The following BRWD1 variants were observed in gnomAD, a reference collection of about 807,000 sequenced individuals.
The protein encoded by BRWD1 is bromodomain and WD repeat-containing protein 1.
In BRWD1, 82 loss-of-function variants were observed where a neutral mutation model predicts 251.2. That is an observed-to-expected ratio of 0.33 (90% CI 0.27 to 0.39). The LOEUF is 0.39. Among genes scored for constraint, BRWD1 ranks in the 10% least tolerant of loss-of-function variants. BRWD1 has a pLI of 1.00. For synonymous variants in BRWD1, 918 were observed against 902.8 expected, an observed-to-expected ratio of 1.02 and a Z score of -0.30; for missense variants, 2,233 against 2,711.6, an observed-to-expected ratio of 0.82 and a Z score of 3.92.
At chr21:39,256,279 T>C (rs980377308) in intron 18 of BRWD1, among the ~76,000 whole-genome samples, 12 of 152,310 alleles carry the variant, frequency 7.9e-5, no homozygotes, top group African/African-American at 1.9e-4. Context: ...TTCTTAAAAA[T>C]TGCACACTAA....
chr21:39,211,608 C>A (rs1359381229), intron 34 of BRWD1, among the ~76,000 whole-genome samples: 1 of 152,042 alleles, frequency 6.6e-6, no homozygotes, highest in Non-Finnish European at 1.5e-5. Flanking sequence ...GACCTAGAGA[C>A]CCATGAAAAC....
chr21:39,189,986 T>C lies in BRWD1; in HGVS notation c.*6273A>G, dbSNP rs1036603241. Reference sequence around the variant, plus strand: ...AAGTCATTGAGTGCTTGAGGACTTGTTTTCCTGGAAGTGATTCCCTACTTG... The same window carrying C: ...AAGTCATTGAGTGCTTGAGGACTTGCTTTCCTGGAAGTGATTCCCTACTTG... On this transcript the variant is annotated 3_prime_UTR_variant, in exon 41 of 41. Coordinates refer to ENST00000342449, the MANE Select transcript of BRWD1 (RefSeq NM_033656.4). 7 of 985,404 alleles carry C rather than the reference T, an allele frequency of 7.1e-6. No individual in the cohort carries two copies. The highest frequency in any genetic ancestry group is 8.4e-6 in the Non-Finnish European group (7 of 829,920). 61.0% of individuals were successfully genotyped at this position (985,404 alleles called of 1,614,324 possible).
chr21:39,206,767 T>C (rs964063203), intron 36 of BRWD1, among the ~76,000 whole-genome samples: 1 of 152,230 alleles, frequency 6.6e-6, no homozygotes, highest in Non-Finnish European at 1.5e-5. Flanking sequence ...TTGCATCCAG[T>C]AGCAGAAAGT....
chr21:39,313,931 G>A (rs1348437132), upstream of BRWD1: 1 of 336,306 alleles, frequency 3.0e-6, no homozygotes, highest in Non-Finnish European at 5.7e-6. Flanking sequence ...GGGTGGCCCA[G>A]CAGCGGGCGG....
At chr21:39,235,228 AAC>A (rs1487952051) in intron 23 of BRWD1, among the ~76,000 whole-genome samples, 1 of 152,232 alleles carries the variant, frequency 6.6e-6, no homozygotes, top group African/African-American at 2.4e-5. Context: ...CAGGCTAGGC[AAC>A]AGAGACTCCT....
chr21:39,307,516 T>G (rs2036327944), intron 4 of BRWD1, among the ~76,000 whole-genome samples: 1 of 152,226 alleles, frequency 6.6e-6, no homozygotes, highest in South Asian at 2.1e-4. Flanking sequence ...TGAATACATT[T>G]GTACTTTCCT....
At chr21:39,208,184 C>A (rs1055227124) in intron 36 of BRWD1, among the ~76,000 whole-genome samples, 1 of 152,146 alleles carries the variant, frequency 6.6e-6, no homozygotes, top group East Asian at 1.9e-4. Flanking sequence ...AACCACTGAA[C>A]TATAAGCTTT....
At chr21:39,258,724 A>G in intron 17 of BRWD1, 52 bp from the exon 18 acceptor site, 1 of 1,331,122 alleles carries the variant, frequency 7.5e-7, no homozygotes, top group South Asian at 1.8e-5. Context: ...AAAACAAAAA[A>G]AAATTTCGTT....
chr21:39,188,435 T>C lies in BRWD1; in HGVS notation c.*7824A>G. The C allele has an allele frequency of 1.0e-6, 1 of 985,368 alleles. No homozygotes were observed. The highest frequency in any genetic ancestry group is 1.2e-6 in the Non-Finnish European group (1 of 829,862). The allele number at this position is 985,368 out of a possible 1,614,324, so 61.0% of individuals were successfully genotyped here. A position where few individuals can be genotyped will look rare whatever the true frequency, so the allele number is the denominator to read the frequency against. On this transcript the variant is annotated 3_prime_UTR_variant, in exon 41 of 41. Transcript: ENST00000342449. ...GAGGACTCCACCACATTCTTTTTAC[T>C]ACTAAGTACTAGAAAATGAGAGCTC...
intron 1 of BRWD1, among the ~76,000 whole-genome samples, chr21:39,319,306 A>G (rs2036726648): frequency 6.6e-6 from 1 of 151,576 alleles, no homozygotes; most frequent in African/African-American, 2.4e-5. Flanking sequence ...TCCCTCTCCA[A>G]CTTCTGCCTC....
chr21:39,287,166 C>T (rs1368155702), intron 8 of BRWD1, among the ~76,000 whole-genome samples: 1 of 152,120 alleles, frequency 6.6e-6, no homozygotes, highest in African/African-American at 2.4e-5. Context: ...TTATATAATC[C>T]ATATTCAAAT....
intron 21 of BRWD1, among the ~76,000 whole-genome samples, chr21:39,244,391 G>A (rs1482561221): frequency 6.6e-6 from 1 of 152,060 alleles, no homozygotes; most frequent in Non-Finnish European, 1.5e-5. Context: ...ATATAAATGT[G>A]GGAAAGTTAC....
intron 17 of BRWD1, among the ~76,000 whole-genome samples, chr21:39,262,850 T>C (rs2034799703): frequency 6.6e-6 from 1 of 152,202 alleles, no homozygotes; most frequent in South Asian, 2.1e-4. Flanking sequence ...TTGGGGGCAG[T>C]ATAAATGGTT....
At position 39,297,889 on chromosome 21, in the gene BRWD1, A is replaced by C. The variant is rs967499174; in HGVS notation, c.349+543T>G. The C allele has an allele frequency of 7.1e-6, 7 of 984,262 alleles. No homozygotes were observed. In the Admixed American group the frequency reaches 3.7e-4, roughly 52 times the overall value. 61.0% of individuals were successfully genotyped at this position (984,262 alleles called of 1,614,324 possible). On this transcript the variant is annotated intron_variant, in intron 5 of 40. Coordinates refer to ENST00000342449, the MANE Select transcript of BRWD1 (RefSeq NM_033656.4). ...AGTCTAAGTCATATATACCAAGCTAACAGAAAAAGAATAGCAATTTCAAAC... is the reference window on the plus strand; with the variant it reads ...AGTCTAAGTCATATATACCAAGCTACCAGAAAAAGAATAGCAATTTCAAAC...
intron 7 of BRWD1, 37 bp downstream of exon 7, chr21:39,295,706 T>TA: frequency 6.7e-7 from 1 of 1,495,042 alleles, no homozygotes; most frequent in South Asian, 1.4e-5. Flanking sequence ...TAAAGTACTC[T>TA]AGATGACATC....
rs533398417 is a variant in BRWD1, at chr21:39,247,783, C to T, written c.2399G>A (p.Arg800His). The change falls in exon 21 of 41, where the codon CGT becomes CAT. Residue 800 changes from arginine (R) to histidine (H), a missense_variant. Physicochemically the swap from Arg to His is conservative, Grantham distance 29. Transcript: ENST00000342449. Reference protein sequence around the residue: ...VSQSRQRTCRRKYPNYGRRNR... With the variant: ...VSQSRQRTCRHKYPNYGRRNR... ...TCTTCTACCATAATTTGGATATTTACGCCTACATGTCCTTTGTCTAGACTG... is the reference window on the plus strand; with the variant it reads ...TCTTCTACCATAATTTGGATATTTATGCCTACATGTCCTTTGTCTAGACTG... 1.1e-5 allele frequency: 18 copies of T among 1,613,198 alleles called. No homozygotes were observed. The highest frequency in any genetic ancestry group is 2.2e-5 in the East Asian group (1 of 44,830).
In BRWD1 at chr21:39,194,660, AG is replaced by A; in HGVS notation, c.*1598del. ...CAAATGGAATAGATAACTACAAAAT[AG>A]GAACACTTCAGAACATTCTCTAACA... On this transcript the variant is annotated 3_prime_UTR_variant, in exon 41 of 41. Transcript: ENST00000342449. 1 of 1,533,850 alleles carries A rather than the reference AG, an allele frequency of 6.5e-7. No individual in the cohort carries two copies. The highest frequency in any genetic ancestry group is 2.0e-5 in the Admixed American group (1 of 50,904).
At chr21:39,284,993 A>T (rs12710454) in intron 8 of BRWD1, among the ~76,000 whole-genome samples, 1 of 152,064 alleles carries the variant, frequency 6.6e-6, no homozygotes, top group African/African-American at 2.4e-5. Context: ...AGGGAAATGA[A>T]ATCAGTATAT....
chr21:39,286,308 G>A (rs553054922), intron 8 of BRWD1, among the ~76,000 whole-genome samples: 1 of 151,948 alleles, frequency 6.6e-6, no homozygotes. Context: ...GTAAGCCACC[G>A]CGCCCGGCCC....
Sources: gnomAD v4.1 joint callset for allele counts (sites outside exome capture counted in the v4.1 genomes callset) on GRCh38, gnomAD v4.1.1 for gene constraint, MANE v1.5 for transcripts, NCBI Gene and HGNC (gene_info 2026-07-23, HGNC 2026-07-21) for gene names.